KLF12: variants seen among roughly 807,000 people sequenced by gnomAD.
KLF12 encodes the protein KLF transcription factor 12, also known as Krueppel-like factor 12.
KLF12 carries 9 observed loss-of-function variants against 37.8 expected under a neutral mutation model. That is an observed-to-expected ratio of 0.24 (90% CI 0.14 to 0.42). KLF12 has a LOEUF of 0.42. KLF12 is among the 10% of genes least tolerant of loss of function. The pLI is 1.00. For missense variants in KLF12, 411 were observed against 516.0 expected (o/e 0.80, Z 1.97); for synonymous variants, 208 against 202.1 (o/e 1.03, Z -0.25).
intron 3 of KLF12, among the ~76,000 whole-genome samples, chr13:73,920,475 T>G (rs1889062536): frequency 6.6e-6 from 1 of 152,184 alleles, no homozygotes; most frequent in Non-Finnish European, 1.5e-5. Flanking sequence ...ATTTAAAAAC[T>G]AAAATGTGAT....
At chr13:73,865,661 G>A (rs566724224) in intron 3 of KLF12, among the ~76,000 whole-genome samples, 11 of 152,156 alleles carry the variant, frequency 7.2e-5, no homozygotes, top group Admixed American at 5.9e-4. Context: ...ACTAAAAGGA[G>A]AGAAATAGAT....
chr13:73,828,580 G>A (rs571634621), intron 4 of KLF12, among the ~76,000 whole-genome samples: 2 of 152,056 alleles, frequency 1.3e-5, no homozygotes, highest in African/African-American at 4.8e-5. Flanking sequence ...CCCTGCTCAG[G>A]CTCTCAGGAA....
chr13:74,111,607 C>A (rs572035557), intron 1 of KLF12, among the ~76,000 whole-genome samples: 1 of 152,204 alleles, frequency 6.6e-6, no homozygotes, highest in Non-Finnish European at 1.5e-5. Context: ...AACTCTTTCA[C>A]AAGATAATCT....
chr13:73,811,288 C>T (rs1368601162), intron 5 of KLF12, among the ~76,000 whole-genome samples: 3 of 151,860 alleles, frequency 2.0e-5, no homozygotes, highest in Admixed American at 6.6e-5. Context: ...TTTATAAGTG[C>T]TCAAGCAGGA....
intron 3 of KLF12, among the ~76,000 whole-genome samples, chr13:73,869,177 A>G (rs1886343122): frequency 6.6e-6 from 1 of 152,196 alleles, no homozygotes; most frequent in African/African-American, 2.4e-5. Context: ...ACCTTTCTGC[A>G]GGTAAACTTT....
At chr13:74,239,536 TG>T in the KLF12 span, among the ~76,000 whole-genome samples, 206 of 117,954 alleles carry the variant, frequency 1.7e-3, 2 homozygotes, top group African/African-American at 6.9e-3. Context: ...ATGTTGACAG[TG>T]GGGTGTTAAA....
the KLF12 span, among the ~76,000 whole-genome samples, chr13:74,274,338 C>T: frequency 6.6e-6 from 1 of 152,102 alleles, no homozygotes. Context: ...TCCTCATCAA[C>T]AAGAGAAAAA....
At chr13:73,867,029 C>T (rs1024127151) in intron 3 of KLF12, among the ~76,000 whole-genome samples, 1 of 151,754 alleles carries the variant, frequency 6.6e-6, no homozygotes, top group African/African-American at 2.4e-5. Context: ...ATAATATTTA[C>T]ACTAAAGAGA....
At chr13:74,289,138 G>C in the KLF12 span, 1 of 152,090 alleles carries the variant, frequency 6.6e-6, no homozygotes. Context: ...AAGGGGGAAA[G>C]GGTAGAACAA....
the KLF12 span, among the ~76,000 whole-genome samples, chr13:74,146,517 GT>G: frequency 2.6e-5 from 4 of 152,034 alleles, no homozygotes; most frequent in Non-Finnish European, 5.9e-5. Flanking sequence ...AGGGATATTG[GT>G]TTTTAAAAGG....
At chr13:74,122,777 C>CA (rs1222636729) in intron 1 of KLF12, among the ~76,000 whole-genome samples, 2 of 151,668 alleles carry the variant, frequency 1.3e-5, no homozygotes, top group African/African-American at 4.8e-5. Flanking sequence ...AAAAGAGTTT[C>CA]AAAAAAACTC....
rs1873757575 is a variant in KLF12 at position 73,690,536 on chromosome 13, C to CAGTT, written c.*4950_*4953dup. 1 of 152,190 alleles carries CAGTT rather than the reference C, an allele frequency of 6.6e-6. No homozygotes were observed. The highest frequency in any genetic ancestry group is 1.5e-5 in the Non-Finnish European group (1 of 68,042). The allele number at this position is 152,190 out of a possible 1,614,324, so 9.4% of individuals were successfully genotyped here. A position where few individuals can be genotyped will look rare whatever the true frequency, so the allele number is the denominator to read the frequency against. On this transcript the variant is annotated 3_prime_UTR_variant, in exon 8 of 8. Coordinates refer to ENST00000377669, the MANE Select transcript of KLF12 (RefSeq NM_007249.5). ...GGAAAAGACATTACTAGTTTGGAAT[C>CAGTT]AGTTGTCTGCAACTTAAAATGACTT...
rs150048047 is a variant in KLF12 at position 73,947,608 on chromosome 13, G to A, written c.34-3538C>T. Among the ~76,000 whole-genome samples, 1,059 of 129,154 alleles carry A rather than the reference G, an allele frequency of 8.2e-3. 16 individuals carry two copies. Among genetic ancestry groups the A allele is most frequent in the African/African-American group, 0.03 (1,020 of 33,900 alleles). The allele number at this position is 129,154 out of a possible 152,430, so 84.7% of individuals were successfully genotyped here. A position where few individuals can be genotyped will look rare whatever the true frequency, so the allele number is the denominator to read the frequency against. ...AGAGGTTGCTGTGAGCCAAGATGGT[G>A]CCACTGCACTCCAGCCTGAGCGACA... On this transcript the variant is annotated intron_variant, in intron 2 of 7. Transcript: ENST00000377669.
chr13:74,165,991 A>C, the KLF12 span, among the ~76,000 whole-genome samples: 2 of 151,824 alleles, frequency 1.3e-5, no homozygotes, highest in African/African-American at 4.8e-5. Flanking sequence ...CATCTATGAG[A>C]TCTATTATGT....
chr13:73,754,548 C>T (rs754338563), intron 6 of KLF12, among the ~76,000 whole-genome samples: 7 of 152,114 alleles, frequency 4.6e-5, no homozygotes, highest in Non-Finnish European at 1.0e-4. Flanking sequence ...AAAAGATAGC[C>T]AAGACTGCGG....
At chr13:74,270,753 A>T in the KLF12 span, among the ~76,000 whole-genome samples, 834 of 152,146 alleles carry the variant, frequency 5.5e-3, 4 homozygotes, top group African/African-American at 0.019. Flanking sequence ...TAGCCTGCGA[A>T]CCCTGGAGCT....
chr13:73,909,994 G>T (rs1049001519), intron 3 of KLF12, among the ~76,000 whole-genome samples: 7 of 151,640 alleles, frequency 4.6e-5, no homozygotes, highest in African/African-American at 1.5e-4. Flanking sequence ...ACATTTAATG[G>T]CTCAGCAATG....
intron 5 of KLF12, among the ~76,000 whole-genome samples, chr13:73,771,311 AC>A (rs1377412123): frequency 6.6e-6 from 1 of 152,230 alleles, no homozygotes; most frequent in Non-Finnish European, 1.5e-5. Context: ...AGTACCTGGT[AC>A]TAAAGTAGGC....
intron 5 of KLF12, among the ~76,000 whole-genome samples, chr13:73,783,261 G>A (rs181947722): frequency 1.3e-5 from 2 of 151,928 alleles, no homozygotes; most frequent in Non-Finnish European, 2.9e-5. Context: ...ACTCATATGT[G>A]GGAGTTAAAA....
Sources: allele counts gnomAD v4.1 joint callset (sites outside exome capture counted in the v4.1 genomes callset), GRCh38; gene constraint gnomAD v4.1.1; transcripts MANE v1.5; gene names NCBI Gene and HGNC (gene_info 2026-07-23, HGNC 2026-07-21).